IFTAP: variants seen among roughly 807,000 people sequenced by gnomAD.
IFTAP encodes the protein intraflagellar transport associated protein.
IFTAP carries 19 observed loss-of-function variants against 19.4 expected under a neutral mutation model. The observed-to-expected ratio is 0.98, with a 90% CI of 0.68 to 1.44. The LOEUF is 1.44. Among genes scored for constraint, IFTAP ranks in the 40% most tolerant of loss-of-function variants. IFTAP has a pLI of 0.00. For missense variants in IFTAP, 240 were observed against 253.6 expected (o/e 0.95, Z 0.36); for synonymous variants, 85 against 83.5 (o/e 1.02, Z -0.10).
At chr11:36,620,592 C>G (rs1025295187) in intron 2 of IFTAP, among the ~76,000 whole-genome samples, 1 of 151,944 alleles carries the variant, frequency 6.6e-6, no homozygotes, top group African/African-American at 2.4e-5. Flanking sequence ...TTCATTTCAA[C>G]ATGAATATTT....
chr11:36,629,957 T>G (rs114545915), intron 2 of IFTAP, among the ~76,000 whole-genome samples: 2,790 of 151,450 alleles, frequency 0.018, 234 homozygotes, highest in African/African-American at 0.065. Flanking sequence ...AATATTGCTG[T>G]TAGATTTCTA....
chr11:36,625,179 C>T (rs996065063), intron 2 of IFTAP, among the ~76,000 whole-genome samples: 2 of 152,150 alleles, frequency 1.3e-5, no homozygotes, highest in East Asian at 3.9e-4. Context: ...TCAGTTTTAT[C>T]ATGTGTAAAA....
At chr11:36,638,149 C>T (rs1565024301) in intron 4 of IFTAP, among the ~76,000 whole-genome samples, 1 of 151,836 alleles carries the variant, frequency 6.6e-6, no homozygotes, top group Admixed American at 6.6e-5. Context: ...CACCCCGCCC[C>T]ACCGCCCGCC....
At chr11:36,638,789 G>T (rs949933467) in intron 4 of IFTAP, among the ~76,000 whole-genome samples, 4 of 152,124 alleles carry the variant, frequency 2.6e-5, no homozygotes, top group Non-Finnish European at 4.4e-5. Context: ...CTTGCATATT[G>T]TTTTTCTACC....
At position 36,632,181 on chromosome 11, in the gene IFTAP, T is replaced by A. The variant is rs377156892; in HGVS notation, c.137-1103T>A. 7.8e-4 allele frequency among the ~76,000 whole-genome samples: 118 copies of A among 151,284 alleles called. 2 individuals are homozygous for A. The South Asian group carries it at 0.024, about 31-fold the overall frequency. ...GTAAGGATAGTAACAGTGTCTACTTTTAGTGGTATTCTGAGGATTAAATGA... is the reference window on the plus strand; with the variant it reads ...GTAAGGATAGTAACAGTGTCTACTTATAGTGGTATTCTGAGGATTAAATGA... On this transcript the variant is annotated intron_variant, in intron 2 of 5. Transcript: ENST00000334307.
intron 4 of IFTAP, among the ~76,000 whole-genome samples, chr11:36,641,539 C>T (rs1341268391): frequency 6.6e-6 from 1 of 152,130 alleles, no homozygotes. Flanking sequence ...GTAGCCAGTA[C>T]TCATTCAGGA....
chr11:36,635,068 T>A (rs200191254), intron 3 of IFTAP, among the ~76,000 whole-genome samples: 1,820 of 152,294 alleles, frequency 0.012, 22 homozygotes, highest in East Asian at 0.031. Flanking sequence ...TGCAGGTATG[T>A]ACTTAAAAGC....
chr11:36,631,624 A>C (rs762560340), intron 2 of IFTAP, among the ~76,000 whole-genome samples: 1 of 151,146 alleles, frequency 6.6e-6, no homozygotes, highest in African/African-American at 2.5e-5. Context: ...GGGTTAGGCT[A>C]TCTGTAACCC....
chr11:36,604,246 G>GGGCT (rs1322909405), intron 1 of IFTAP, among the ~76,000 whole-genome samples: 2 of 151,996 alleles, frequency 1.3e-5, no homozygotes, highest in African/African-American at 4.8e-5. Context: ...TCACAGCAAA[G>GGGCT]GGCTATACCT....
At chr11:36,638,975 G>A (rs1853079807) in intron 4 of IFTAP, among the ~76,000 whole-genome samples, 1 of 152,220 alleles carries the variant, frequency 6.6e-6, no homozygotes, top group South Asian at 2.1e-4. Context: ...TCTGAGGGTA[G>A]CGTCTGCCAC....
chr11:36,654,091 C>A (rs972072382), intron 5 of IFTAP, among the ~76,000 whole-genome samples: 1 of 152,104 alleles, frequency 6.6e-6, no homozygotes, highest in African/African-American at 2.4e-5. Flanking sequence ...TCTTTTCATC[C>A]AGAATTGAAA....
intron 5 of IFTAP, among the ~76,000 whole-genome samples, chr11:36,658,652 G>A (rs893295320): frequency 6.6e-6 from 1 of 152,094 alleles, no homozygotes; most frequent in Non-Finnish European, 1.5e-5. Context: ...AAATCTTAGT[G>A]TATATTTTTC....
At chr11:36,604,392 C>G (rs1851618289) in intron 1 of IFTAP, among the ~76,000 whole-genome samples, 1 of 152,120 alleles carries the variant, frequency 6.6e-6, no homozygotes, top group South Asian at 2.1e-4. Context: ...CAGCGTATAC[C>G]TTGATGCTAG....
At chr11:36,652,529 T>C (rs867992472) in intron 5 of IFTAP, among the ~76,000 whole-genome samples, 1 of 152,186 alleles carries the variant, frequency 6.6e-6, no homozygotes, top group Non-Finnish European at 1.5e-5. Context: ...CTTTTCCTAA[T>C]TGAATACCCT....
intron 1 of IFTAP, 134 bp from the exon 2 acceptor site, chr11:36,609,947 A>T: frequency 1.4e-6 from 1 of 701,158 alleles, no homozygotes. Flanking sequence ...CTCTTGAACT[A>T]GAGGTCACTG....
intron 3 of IFTAP, 90 bp downstream of exon 3, chr11:36,633,528 A>T: frequency 9.6e-7 from 1 of 1,043,856 alleles, no homozygotes; most frequent in Non-Finnish European, 1.3e-6. Flanking sequence ...TAAACACTAG[A>T]CAGTTATTAG....
rs149618801 is a variant in IFTAP, at chr11:36,607,331, C to T, written c.-23-2750C>T. ...ATCTTGTGAGGCATGTGTAGTTTCA[C>T]GATTCTTTATTTAAACCCTCAGGGT... On this transcript the variant is annotated intron_variant, in intron 1 of 5. Coordinates refer to ENST00000334307, the MANE Select transcript of IFTAP (RefSeq NM_138787.4). Among the ~76,000 whole-genome samples the T allele has an allele frequency of 6.2e-4, 95 of 152,218 alleles. 1 individual carries two copies. The highest frequency in any genetic ancestry group is 2.1e-3 in the African/African-American group (86 of 41,538).
At chr11:36,604,814 A>G (rs1007808757) in intron 1 of IFTAP, among the ~76,000 whole-genome samples, 1 of 152,048 alleles carries the variant, frequency 6.6e-6, no homozygotes, top group African/African-American at 2.4e-5. Context: ...TCCCATACTC[A>G]TTTATTCTCT....
chr11:36,621,128 C>T (rs972982911), intron 2 of IFTAP, among the ~76,000 whole-genome samples: 2 of 151,830 alleles, frequency 1.3e-5, no homozygotes, highest in Non-Finnish European at 2.9e-5. Flanking sequence ...TATTTTTATT[C>T]GTTGTTGCTA....
Sources: gnomAD v4.1 joint callset for allele counts (sites outside exome capture counted in the v4.1 genomes callset) on GRCh38, gnomAD v4.1.1 for gene constraint, MANE v1.5 for transcripts, NCBI Gene and HGNC (gene_info 2026-07-23, HGNC 2026-07-21) for gene names.